MAP4K4: variants seen among roughly 807,000 people sequenced by gnomAD.
MAP4K4 encodes the protein mitogen-activated protein kinase kinase kinase kinase 4, also known as HPK/GCK-like kinase HGK.
In MAP4K4, 38 loss-of-function variants were observed where a neutral mutation model predicts 189.6. That is an observed-to-expected ratio of 0.20 (90% CI 0.15 to 0.26). The LOEUF (loss-of-function observed/expected upper bound fraction) is 0.26. Among genes scored for constraint, MAP4K4 ranks in the 10% least tolerant of loss-of-function variants. The pLI is 1.00. For synonymous variants in MAP4K4, 610 were observed against 624.3 expected, an observed-to-expected ratio of 0.98 and a Z score of 0.34; for missense variants, 1,054 against 1,726.9, an observed-to-expected ratio of 0.61 and a Z score of 6.91.
At chr2:101,889,640 T>A in intron 32 of MAP4K4, among the ~76,000 whole-genome samples, 1 of 152,146 alleles carries the variant, frequency 6.6e-6, no homozygotes, top group Non-Finnish European at 1.5e-5. Flanking sequence ...TTACTAAGCC[T>A]ACCCTTTCTT....
At chr2:101,837,626 A>G (rs868044175) in intron 9 of MAP4K4, among the ~76,000 whole-genome samples, 1 of 152,276 alleles carries the variant, frequency 6.6e-6, no homozygotes, top group Middle Eastern at 3.4e-3. Flanking sequence ...GATGTCACCA[A>G]GGAATCAGCT....
At position 101,871,479 on chromosome 2, in the gene MAP4K4, C is replaced by T; in HGVS notation, c.2761-15C>T. The T allele has an allele frequency of 6.6e-7, 1 of 1,523,400 alleles. No homozygotes were observed. Among genetic ancestry groups the T allele is most frequent in the South Asian group, 1.2e-5 (1 of 83,030 alleles). 94.4% of individuals were successfully genotyped at this position (1,523,400 alleles called of 1,614,324 possible). On this transcript the variant is annotated splice_polypyrimidine_tract_variant and intron_variant, in intron 23 of 32. Coordinates refer to ENST00000324219, the Ensembl canonical transcript of MAP4K4. ...CAGCGCTTGAGCGAGACAAGTGTGCCTGTTTTTTCTACAGAGTACAGTTGA... is the reference window on the plus strand; with the variant it reads ...CAGCGCTTGAGCGAGACAAGTGTGCTTGTTTTTTCTACAGAGTACAGTTGA...
intron 2 of MAP4K4, among the ~76,000 whole-genome samples, chr2:101,748,025 C>G (rs1574817698): frequency 6.6e-6 from 1 of 152,126 alleles, no homozygotes; most frequent in African/African-American, 2.4e-5. Context: ...GTCTGTAGCA[C>G]ATTGATGTGC....
At chr2:101,714,927 A>G (rs970104302) in intron 2 of MAP4K4, among the ~76,000 whole-genome samples, 2 of 152,192 alleles carry the variant, frequency 1.3e-5, no homozygotes, top group East Asian at 1.9e-4. Context: ...TCTTCTATGA[A>G]TCTCTCAATA....
At chr2:101,781,299 T>C (rs1342349424) in intron 2 of MAP4K4, among the ~76,000 whole-genome samples, 1 of 152,192 alleles carries the variant, frequency 6.6e-6, no homozygotes, top group East Asian at 1.9e-4. Context: ...CAGATGTCTC[T>C]AAAACTCTTC....
At chr2:101,731,575 A>G (rs372805020) in intron 2 of MAP4K4, among the ~76,000 whole-genome samples, 9 of 152,136 alleles carry the variant, frequency 5.9e-5, no homozygotes, top group Admixed American at 3.3e-4. Flanking sequence ...CCTGGGCAAC[A>G]TGATGAAACC....
At chr2:101,852,185 A>G (rs1317397607) in intron 12 of MAP4K4, among the ~76,000 whole-genome samples, 3 of 151,964 alleles carry the variant, frequency 2.0e-5, no homozygotes. Context: ...CAGAGTAATA[A>G]TTAAATCTCA....
intron 2 of MAP4K4, among the ~76,000 whole-genome samples, chr2:101,756,953 T>C (rs1318862726): frequency 6.6e-6 from 1 of 152,144 alleles, no homozygotes; most frequent in East Asian, 1.9e-4. Flanking sequence ...TGAGTATTTA[T>C]TGGGAGTTGT....
At chr2:101,699,507 G>C (rs574267556) in intron 2 of MAP4K4, among the ~76,000 whole-genome samples, 1 of 152,192 alleles carries the variant, frequency 6.6e-6, no homozygotes. Flanking sequence ...TCTGCACTGG[G>C]GGAGTGTTCT....
chr2:101,754,804 C>T (rs769998465), intron 2 of MAP4K4, among the ~76,000 whole-genome samples: 5 of 152,028 alleles, frequency 3.3e-5, no homozygotes, highest in Non-Finnish European at 5.9e-5. Context: ...CATGTTGGAG[C>T]GAGAAAGGCT....
At chr2:101,893,399 C>G (rs919069180) in exon 33 of MAP4K4, 3 of 366,778 alleles carry the variant, frequency 8.2e-6, no homozygotes, top group Admixed American at 7.2e-5. Context: ...AAAATTAATC[C>G]TACCTTTAAA....
chr2:101,769,076 T>C (rs190983100), intron 2 of MAP4K4, among the ~76,000 whole-genome samples: 145 of 152,294 alleles, frequency 9.5e-4, no homozygotes, highest in African/African-American at 3.4e-3. Flanking sequence ...GCCAAAATCT[T>C]GTGCAAGATG....
intron 2 of MAP4K4, among the ~76,000 whole-genome samples, chr2:101,715,324 C>T (rs1450689144): frequency 2.0e-5 from 3 of 152,314 alleles, no homozygotes; most frequent in East Asian, 3.9e-4. Context: ...GTTTCTAAGT[C>T]TCAATCACTT....
At chr2:101,821,139 T>G (rs1559070256) in intron 3 of MAP4K4, among the ~76,000 whole-genome samples, 1 of 152,260 alleles carries the variant, frequency 6.6e-6, no homozygotes, top group East Asian at 1.9e-4. Flanking sequence ...CATTTAAATC[T>G]CAGATAGAAA....
intron 3 of MAP4K4, among the ~76,000 whole-genome samples, chr2:101,819,586 ATT>A (rs1360622582): frequency 1.3e-5 from 2 of 152,196 alleles, no homozygotes; most frequent in African/African-American, 4.8e-5. Context: ...TAAAACAGTA[ATT>A]TGAGGGGAGA....
At chr2:101,866,400 G>A in intron 18 of MAP4K4, 28 bp from the exon 19 acceptor site, 5 of 1,594,112 alleles carry the variant, frequency 3.1e-6, no homozygotes, top group Non-Finnish European at 4.3e-6. Context: ...TGACACATTA[G>A]CTGTTCTCTC....
chr2:101,856,017 G>A (rs1029683478), exon 13 of MAP4K4: 10 of 1,551,596 alleles, frequency 6.4e-6, no homozygotes, highest in Non-Finnish European at 1.7e-6. Flanking sequence ...CAGCAGGAAC[G>A]TGAACAGCGA....
intron 3 of MAP4K4, among the ~76,000 whole-genome samples, chr2:101,805,346 G>T (rs2094825843): frequency 6.6e-6 from 1 of 152,076 alleles, no homozygotes; most frequent in Non-Finnish European, 1.5e-5. Context: ...GTCTGTTCTT[G>T]ATATAAATGG....
intron 28 of MAP4K4, among the ~76,000 whole-genome samples, chr2:101,884,064 T>G (rs1237549445): frequency 6.6e-6 from 1 of 152,160 alleles, no homozygotes; most frequent in African/African-American, 2.4e-5. Flanking sequence ...GGGTTAAAAG[T>G]CTGTTGGGCT....
Sources: gnomAD v4.1 joint callset for allele counts (sites outside exome capture counted in the v4.1 genomes callset) on GRCh38, gnomAD v4.1.1 for gene constraint, MANE v1.5 for transcripts, NCBI Gene and HGNC (gene_info 2026-07-23, HGNC 2026-07-21) for gene names.